Variants in SACS observed in about 807,000 individuals in gnomAD.
SACS encodes the protein sacsin molecular chaperone.
In SACS, 197 loss-of-function variants were observed where a neutral mutation model predicts 348.0. The observed-to-expected ratio is 0.57, with a 90% CI of 0.50 to 0.64. SACS has a LOEUF of 0.64. Among genes scored for constraint, SACS ranks in the 30% least tolerant of loss-of-function variants. The probability of loss-of-function intolerance (pLI) is 0.00; values close to 1 mark genes in which losing one functional copy is unlikely to be tolerated. For synonymous variants in SACS, 1,985 were observed against 1,910.6 expected, an observed-to-expected ratio of 1.04 and a Z score of -1.02; for missense variants, 4,999 against 5,360.8, an observed-to-expected ratio of 0.93 and a Z score of 2.11.
At chr13:23,372,403 A>G (rs933762055) in intron 3 of SACS, among the ~76,000 whole-genome samples, 1 of 152,222 alleles carries the variant, frequency 6.6e-6, no homozygotes, top group Non-Finnish European at 1.5e-5. Context: ...CGTGCCCAGC[A>G]TCAGTTACTA....
chr13:23,425,796 C>T (rs1030770883), intron 1 of SACS, among the ~76,000 whole-genome samples: 3 of 152,222 alleles, frequency 2.0e-5, no homozygotes, highest in African/African-American at 7.2e-5. Flanking sequence ...GCCTGACTCC[C>T]TGCGGGAGTG....
chr13:23,332,063 A>G lies in SACS; in HGVS notation c.11813T>C (p.Ile3938Thr). 1 of 1,614,082 alleles carries G rather than the reference A, an allele frequency of 6.2e-7. No homozygotes were observed. The highest frequency in any genetic ancestry group is 8.5e-7 in the Non-Finnish European group (1 of 1,179,980). Residue 3938 changes from isoleucine (I) to threonine (T), a missense_variant, in exon 10 of 10, where the codon ATT becomes ACT. Around this residue, in one of 6 missense-constraint regions of SACS, gnomAD observed 831 missense variants for 941.8 expected, o/e 0.88. Coordinates refer to ENST00000382292, the MANE Select transcript of SACS (RefSeq NM_014363.6). ...PHYKSRIQGN[I>T]GVQMLVDLSQ... ...GAGATCAACTAACATTTGCACACCA[A>G]TATTCCCCTGGATTCTACTTTTATA... is the stretch of plus-strand genomic sequence containing the variant.
chr13:23,404,938 C>T (rs573760409), intron 2 of SACS, among the ~76,000 whole-genome samples: 14 of 152,182 alleles, frequency 9.2e-5, no homozygotes, highest in South Asian at 6.2e-4. Flanking sequence ...AAACATTCCA[C>T]GCTCATGGAT....
intron 1 of SACS, among the ~76,000 whole-genome samples, chr13:23,422,167 G>A (rs1402174826): frequency 1.3e-5 from 2 of 152,280 alleles, no homozygotes; most frequent in East Asian, 3.9e-4. Context: ...TGAATGGAAC[G>A]TAACTTTTCA....
chr13:23,331,652 A>C lies in SACS; in HGVS notation c.12224T>G (p.Phe4075Cys). The C allele has an allele frequency of 6.2e-7, 1 of 1,613,998 alleles. No homozygotes were observed. The highest frequency in any genetic ancestry group is 8.5e-7 in the Non-Finnish European group (1 of 1,179,946). The change falls in exon 10 of 10, where the codon TTT (phenylalanine) becomes TGT (cysteine). Residue 4075 changes from phenylalanine (F) to cysteine (C), a missense_variant. Coordinates refer to ENST00000382292, the MANE Select transcript of SACS (RefSeq NM_014363.6). ...GACTGCATTACCAAATCGCTTCAAA[A>C]AAGCAAAAGTTTCACTTCTGCTGTG... ...IPHSRSETFA[F>C]LKRFGNAVIL...
In SACS at chr13:23,329,599, A is replaced by T; in HGVS notation, c.*537T>A. Reference sequence around the variant, plus strand: ...TCAAGTAATAGGATTAAAATACTCTACCATTTCTTAAATGCACTGAGTACA... The same window carrying T: ...TCAAGTAATAGGATTAAAATACTCTTCCATTTCTTAAATGCACTGAGTACA... On this transcript the variant is annotated 3_prime_UTR_variant, in exon 10 of 10. Transcript: ENST00000382292. 1.7e-6 allele frequency: 1 copy of T among 574,212 alleles called. No homozygotes were observed. Among genetic ancestry groups the T allele is most frequent in the South Asian group, 2.5e-5 (1 of 39,818 alleles). The allele number at this position is 574,212 out of a possible 1,614,324, so 35.6% of individuals were successfully genotyped here.
At chr13:23,429,705 G>A (rs1304829361) in intron 1 of SACS, among the ~76,000 whole-genome samples, 1 of 152,018 alleles carries the variant, frequency 6.6e-6, no homozygotes, top group Non-Finnish European at 1.5e-5. Flanking sequence ...CATTTAAGAA[G>A]GAGGAAGCTG....
chr13:23,428,403 A>G (rs1334307815), intron 1 of SACS: 1 of 152,208 alleles, frequency 6.6e-6, no homozygotes, highest in Non-Finnish European at 1.5e-5. Context: ...TATTTGCAAA[A>G]TGGAAAAGTC....
At chr13:23,429,475 G>A (rs1017595158) in intron 1 of SACS, among the ~76,000 whole-genome samples, 2 of 145,998 alleles carry the variant, frequency 1.4e-5, no homozygotes, top group Non-Finnish European at 3.0e-5. Context: ...CCATTCTCCT[G>A]CCTCAGCCTC....
chr13:23,419,901 C>T (rs149255946), intron 1 of SACS, among the ~76,000 whole-genome samples: 150 of 152,314 alleles, frequency 9.8e-4, no homozygotes, highest in African/African-American at 3.4e-3. Flanking sequence ...CCCCTAGGGA[C>T]GCAGTATCCA....
intron 7 of SACS, among the ~76,000 whole-genome samples, 165 bp from the exon 8 acceptor site, chr13:23,356,172 A>G (rs950369429): frequency 2.0e-5 from 3 of 152,248 alleles, no homozygotes. Context: ...CTGAACATGA[A>G]AAATGATTTC....
chr13:23,333,808 C>G lies in SACS; in HGVS notation c.10068G>C (p.Glu3356Asp), dbSNP rs559719069. 6 of 1,613,774 alleles carry G rather than the reference C, an allele frequency of 3.7e-6. No individual in the cohort carries two copies. The East Asian group carries it at 6.7e-5, about 18-fold the overall frequency. ...GAGCCTTCAAGATGCTTGTGGGGCT[C>G]TCTATATTTGCTGTGTGACATGACA... ...PLLSCHTANIESPTSILKALH... is the reference protein window; with the variant it reads ...PLLSCHTANIDSPTSILKALH... The change falls in exon 10 of 10, where the codon GAG becomes GAC. Residue 3356 changes from glutamate (E) to aspartate (D), a missense_variant. Glu to Asp is a conservative substitution (Grantham distance 45, BLOSUM62 2). Coordinates refer to ENST00000382292, the MANE Select transcript of SACS (RefSeq NM_014363.6).
At chr13:23,406,353 G>A (rs1171050656) in intron 2 of SACS, among the ~76,000 whole-genome samples, 1 of 151,816 alleles carries the variant, frequency 6.6e-6, no homozygotes, top group Admixed American at 6.6e-5. Flanking sequence ...CACGGTGGGG[G>A]GAAACACCAC....
chr13:23,397,473 T>G (rs1388224296), intron 2 of SACS, among the ~76,000 whole-genome samples: 1 of 152,240 alleles, frequency 6.6e-6, no homozygotes, highest in Non-Finnish European at 1.5e-5. Context: ...CATTTTAGTC[T>G]CTGTTAAAAT....
Position 23,331,227 on chromosome 13 carries a change from T to C in SACS, c.12649A>G (p.Asn4217Asp), listed in dbSNP as rs35799469. 2,220 of 1,613,886 alleles carry C rather than the reference T, an allele frequency of 1.4e-3. 24 individuals are homozygous for C. In the African/African-American group the frequency reaches 0.026, roughly 19 times the overall value. The change falls in exon 10 of 10, where the codon AAT (asparagine) becomes GAT (aspartate). Residue 4217 changes from asparagine (N) to aspartate (D), a missense_variant. Asn to Asp is a conservative substitution (Grantham distance 23, BLOSUM62 1). Transcript: ENST00000382292. ...TATATCTTTCCTAGAAAACTAGAAT[T>C]GTCAGCATCTTCTCTTTCAACTTCT... is the stretch of plus-strand genomic sequence containing the variant. ...VQEVEREDAD[N>D]SSFLGKIYQI... is the part of the protein sequence containing the mutation.
rs1397898968 is a variant in SACS, at chr13:23,339,391, G to A, written c.4485C>T (p.Phe1495=). 1 of 1,612,244 alleles carries A rather than the reference G, an allele frequency of 6.2e-7. No homozygotes were observed. Among genetic ancestry groups the A allele is most frequent in the Non-Finnish European group, 8.5e-7 (1 of 1,179,440 alleles). ...CCATATTTCTTCTCATATCAATCAAGAAACTGCATTCTGTTGCATTTGCAT... is the reference window on the plus strand; with the variant it reads ...CCATATTTCTTCTCATATCAATCAAAAAACTGCATTCTGTTGCATTTGCAT... ...ADDANATECS[F]LIDMRRNMDI... Residue 1495 remains phenylalanine, a synonymous_variant, in exon 10 of 10, where the codon TTC becomes TTT. Coordinates refer to ENST00000382292, the MANE Select transcript of SACS (RefSeq NM_014363.6).
At chr13:23,356,651 A>G (rs369972497) in intron 7 of SACS, among the ~76,000 whole-genome samples, 2 of 152,256 alleles carry the variant, frequency 1.3e-5, no homozygotes, top group African/African-American at 4.8e-5. Context: ...AGGACAGAGT[A>G]GTATTCAAAA....
intron 2 of SACS, among the ~76,000 whole-genome samples, chr13:23,389,355 C>T (rs1362601482): frequency 1.3e-5 from 2 of 152,050 alleles, no homozygotes; most frequent in African/African-American, 4.8e-5. Context: ...TAACTAGGAA[C>T]TGAATGTCTA....
At chr13:23,357,963 CAAG>C (rs1305354687) in intron 7 of SACS, among the ~76,000 whole-genome samples, 5 of 152,130 alleles carry the variant, frequency 3.3e-5, no homozygotes, top group Admixed American at 3.3e-4. Flanking sequence ...AGAACATGTA[CAAG>C]AAGATCTGTG....
Sources: allele counts gnomAD v4.1 joint callset (sites outside exome capture counted in the v4.1 genomes callset), GRCh38; gene constraint gnomAD v4.1.1; regional missense constraint gnomAD v4.1.1; transcripts MANE v1.5; gene names NCBI Gene and HGNC (gene_info 2026-07-23, HGNC 2026-07-21).